RNF130: variants seen among roughly 807,000 people sequenced by gnomAD.
The protein encoded by RNF130 is E3 ubiquitin-protein ligase RNF130.
A neutral mutation model predicts 44.6 loss-of-function variants in RNF130; 21 were observed. The ratio of observed to expected loss-of-function variants is 0.47; its 90% CI spans 0.33 to 0.68. RNF130 has a LOEUF of 0.68. Among genes scored for constraint, RNF130 ranks in the 30% least tolerant of loss-of-function variants. The probability of loss-of-function intolerance (pLI) is 0.02; values close to 1 mark genes in which losing one functional copy is unlikely to be tolerated. For missense variants in RNF130, 479 were observed against 560.6 expected (o/e 0.85, Z 1.47); for synonymous variants, 214 against 210.4 (o/e 1.02, Z -0.15).
At chr5:180,051,720 T>C (rs1171121719) in intron 1 of RNF130, among the ~76,000 whole-genome samples, 3 of 152,202 alleles carry the variant, frequency 2.0e-5, no homozygotes, top group Middle Eastern at 3.2e-3. Context: ...TGGATTTTGA[T>C]TATTTTTTAC....
chr5:179,999,005 A>G lies in RNF130; in HGVS notation c.693+14056T>C, dbSNP rs548364041. On this transcript the variant is annotated intron_variant, in intron 3 of 8. Transcript: ENST00000521389. The stretch of plus-strand genomic sequence containing the variant: ...TCTTCTTTGTCTTTTATTTTTCAAT[A>G]TTTTATTTTATTTTGTTATTATTTT... 1.2e-4 allele frequency among the ~76,000 whole-genome samples: 18 copies of G among 149,948 alleles called. No individual in the cohort carries two copies. The East Asian group carries it at 3.2e-3, about 26-fold the overall frequency.
intron 3 of RNF130, among the ~76,000 whole-genome samples, chr5:180,012,770 T>C (rs909939886): frequency 1.3e-5 from 2 of 152,230 alleles, no homozygotes; most frequent in Non-Finnish European, 2.9e-5. Flanking sequence ...GGTTTAAAAA[T>C]GCAACTTTGT....
rs775497356 is a variant in RNF130, at chr5:179,966,795, C to T, written c.1150+11G>A. The T allele has an allele frequency of 1.2e-6, 2 of 1,610,578 alleles. No homozygotes were observed. The highest frequency in any genetic ancestry group is 2.2e-5 in the South Asian group (2 of 90,400). ...CACATGCCCTGTGCCTGAGCGGAGG[C>T]CCCCACTTACTTGTTACTGCAATGT... is the stretch of plus-strand genomic sequence containing the variant. On this transcript the variant is annotated intron_variant, in intron 7 of 8. Coordinates refer to ENST00000521389, the MANE Select transcript of RNF130 (RefSeq NM_018434.6).
chr5:179,933,848 CT>C, intron 7 of RNF130: 1 of 787,316 alleles, frequency 1.3e-6, no homozygotes, highest in Non-Finnish European at 2.1e-6. Flanking sequence ...GTGTTTTTGT[CT>C]TGCTTCTTCA....
chr5:180,020,661 A>T (rs35592104), intron 2 of RNF130, among the ~76,000 whole-genome samples: 19,252 of 152,226 alleles, frequency 0.13, 1,390 homozygotes, highest in East Asian at 0.27. Context: ...CCAAGGGGCC[A>T]CAGTACAGCA....
At chr5:180,058,959 T>C (rs1764905979) in intron 1 of RNF130, among the ~76,000 whole-genome samples, 2 of 152,166 alleles carry the variant, frequency 1.3e-5, no homozygotes, top group Admixed American at 6.5e-5. Context: ...AACAGTTAGA[T>C]GGTCAATTTA....
Position 180,071,736 on chromosome 5 carries a change from G to T in RNF130, c.-34C>A. 8.5e-7 allele frequency: 1 copy of T among 1,181,080 alleles called. No individual in the cohort carries two copies. Among genetic ancestry groups the T allele is most frequent in the Non-Finnish European group, 1.0e-6 (1 of 957,068 alleles). The allele number at this position is 1,181,080 out of a possible 1,614,324, so 73.2% of individuals were successfully genotyped here. ...CGGCAGCCGCCGCTGCTCGCGGACC[G>T]GGCTCCGGGGCCGGCGCCTAGAGGC... On this transcript the variant is annotated 5_prime_UTR_variant, in exon 1 of 9. Transcript: ENST00000521389.
intron 2 of RNF130, among the ~76,000 whole-genome samples, chr5:180,035,545 A>T (rs1380920248): frequency 6.6e-6 from 1 of 152,222 alleles, no homozygotes; most frequent in Non-Finnish European, 1.5e-5. Flanking sequence ...CAAGGTTTCT[A>T]TATGCTTGCT....
chr5:179,968,355 G>A (rs1211053326), intron 6 of RNF130, among the ~76,000 whole-genome samples: 2 of 151,432 alleles, frequency 1.3e-5, no homozygotes, highest in Non-Finnish European at 2.9e-5. Context: ...CAGAGGGTAA[G>A]TTACTGTTTT....
chr5:179,935,659 C>T (rs545837776), intron 7 of RNF130, among the ~76,000 whole-genome samples: 11 of 152,162 alleles, frequency 7.2e-5, no homozygotes, highest in Admixed American at 7.2e-4. Context: ...TAGTCCTCTC[C>T]TCTAAGTTTT....
intron 1 of RNF130, 54 bp from the exon 2 acceptor site, chr5:180,040,701 T>C: frequency 1.3e-6 from 2 of 1,514,172 alleles, no homozygotes; most frequent in East Asian, 4.6e-5. Context: ...GACCAAGTCT[T>C]TATCAAAGTG....
chr5:179,960,952 T>G (rs1762314220), intron 8 of RNF130, among the ~76,000 whole-genome samples: 1 of 152,188 alleles, frequency 6.6e-6, no homozygotes, highest in African/African-American at 2.4e-5. Flanking sequence ...AATTACAAAT[T>G]TGTTTGCTAA....
At chr5:179,992,163 A>G (rs540808681) in intron 3 of RNF130, among the ~76,000 whole-genome samples, 1 of 152,220 alleles carries the variant, frequency 6.6e-6, no homozygotes, top group Non-Finnish European at 1.5e-5. Context: ...TTGTTTTGAG[A>G]TGGAGTCTTG....
chr5:179,995,333 C>T (rs1419101102), intron 3 of RNF130, among the ~76,000 whole-genome samples: 1 of 152,164 alleles, frequency 6.6e-6, no homozygotes, highest in Non-Finnish European at 1.5e-5. Context: ...AGGCAAATCT[C>T]CTGCTCCAGT....
At chr5:179,995,746 C>T (rs1481155476) in intron 3 of RNF130, among the ~76,000 whole-genome samples, 2 of 152,220 alleles carry the variant, frequency 1.3e-5, no homozygotes, top group Non-Finnish European at 2.9e-5. Flanking sequence ...ACACTGACTC[C>T]CCATCTCCTG....
chr5:180,052,842 G>T (rs531406972), intron 1 of RNF130, among the ~76,000 whole-genome samples: 2 of 152,242 alleles, frequency 1.3e-5, no homozygotes, highest in South Asian at 4.1e-4. Context: ...GGTTTAAAGT[G>T]TTCTTAATCT....
intron 1 of RNF130, among the ~76,000 whole-genome samples, chr5:180,046,022 G>C (rs1194493021): frequency 2.0e-5 from 3 of 152,226 alleles, no homozygotes; most frequent in Non-Finnish European, 2.9e-5. Context: ...TCGCCGGGGA[G>C]GCTCCAGTGG....
At chr5:179,928,782 C>T (rs922949133) in intron 7 of RNF130, among the ~76,000 whole-genome samples, 1 of 152,062 alleles carries the variant, frequency 6.6e-6, no homozygotes, top group Admixed American at 6.6e-5. Context: ...GCGCCCACCA[C>T]CACGCCTGGC....
At chr5:179,952,672 A>C (rs1393786760), downstream of RNF130, among the ~76,000 whole-genome samples, 1 of 152,218 alleles carries the variant, frequency 6.6e-6, no homozygotes, top group Non-Finnish European at 1.5e-5. Context: ...TTTGTCCCAC[A>C]ATTGGTTCAA....
Sources: gnomAD v4.1 joint callset for allele counts (sites outside exome capture counted in the v4.1 genomes callset) on GRCh38, gnomAD v4.1.1 for gene constraint, MANE v1.5 for transcripts, NCBI Gene and HGNC (gene_info 2026-07-23, HGNC 2026-07-21) for gene names.